Variants in SH3GL2 observed in about 807,000 individuals in gnomAD.
SH3GL2 encodes endophilin-A1.
SH3GL2 carries 24 observed loss-of-function variants against 46.0 expected under a neutral mutation model. That is an observed-to-expected ratio of 0.52 (90% confidence interval 0.38 to 0.73). The LOEUF (loss-of-function observed/expected upper bound fraction) is 0.73, where lower values mean the gene tolerates loss of function less well. Ranked by LOEUF, SH3GL2 falls within the 30% of genes least tolerant of loss-of-function variation. The pLI is 0.00. For synonymous variants in SH3GL2, 196 were observed against 147.1 expected (o/e 1.33, Z -2.40); for missense variants, 413 against 424.2 (o/e 0.97, Z 0.23).
At chr9:17,658,131 C>G (rs1820133290) in intron 1 of SH3GL2, among the ~76,000 whole-genome samples, 1 of 152,196 alleles carries the variant, frequency 6.6e-6, no homozygotes, top group Non-Finnish European at 1.5e-5. Context: ...ATAATATACT[C>G]TTCTTTAGTT....
intron 1 of SH3GL2, chr9:17,589,450 T>A (rs10963153): frequency 6.7e-6 from 1 of 150,076 alleles, no homozygotes; most frequent in Admixed American, 6.6e-5. Context: ...TCCTGATCAG[T>A]TTTTTTTTTA....
intron 2 of SH3GL2, among the ~76,000 whole-genome samples, chr9:17,749,232 A>T (rs911488377): frequency 3.9e-5 from 6 of 152,192 alleles, no homozygotes; most frequent in African/African-American, 1.2e-4. Context: ...AGCCACTAAT[A>T]TCCATAGTTC....
chr9:17,726,897 A>T (rs1199568578), intron 1 of SH3GL2, among the ~76,000 whole-genome samples: 1 of 152,196 alleles, frequency 6.6e-6, no homozygotes, highest in African/African-American at 2.4e-5. Context: ...ATGCAGCAGT[A>T]ACAAAATAGG....
intron 1 of SH3GL2, among the ~76,000 whole-genome samples, chr9:17,675,881 G>A (rs1363264864): frequency 1.3e-5 from 2 of 152,170 alleles, no homozygotes; most frequent in African/African-American, 2.4e-5. Context: ...GGAGGTGGAG[G>A]TTGCAGTGAG....
At chr9:17,601,164 GCCTGA>G (rs1818663781) in intron 1 of SH3GL2, among the ~76,000 whole-genome samples, 1 of 152,108 alleles carries the variant, frequency 6.6e-6, no homozygotes, top group African/African-American at 2.4e-5. Flanking sequence ...TGGTGGCTGT[GCCTGA>G]CCTGCACATG....
chr9:17,625,390 C>T (rs1819258704), intron 1 of SH3GL2, among the ~76,000 whole-genome samples: 1 of 152,130 alleles, frequency 6.6e-6, no homozygotes, highest in Admixed American at 6.5e-5. Flanking sequence ...TTTTACAGTC[C>T]ACCTCCTTTC....
intron 1 of SH3GL2, among the ~76,000 whole-genome samples, chr9:17,626,031 C>G (rs1281376748): frequency 2.0e-5 from 3 of 152,204 alleles, no homozygotes; most frequent in African/African-American, 7.2e-5. Flanking sequence ...CCCATCTCAT[C>G]TTCCCTACCT....
At chr9:17,601,930 G>A (rs1361862938) in intron 1 of SH3GL2, among the ~76,000 whole-genome samples, 1 of 152,098 alleles carries the variant, frequency 6.6e-6, no homozygotes, top group Non-Finnish European at 1.5e-5. Flanking sequence ...GTCAAGCTTG[G>A]GAGTCATGGA....
intron 3 of SH3GL2, among the ~76,000 whole-genome samples, chr9:17,763,163 A>G (rs1349217945): frequency 6.6e-6 from 1 of 152,230 alleles, no homozygotes; most frequent in Non-Finnish European, 1.5e-5. Flanking sequence ...AAGAATTTCT[A>G]GTATGAAAAT....
At chr9:17,789,831 C>T in intron 6 of SH3GL2, 1 of 899,890 alleles carries the variant, frequency 1.1e-6, no homozygotes, top group Non-Finnish European at 1.3e-6. Flanking sequence ...TTGAATATAT[C>T]ATGTAATTTA....
At chr9:17,589,119 C>G (rs1818432430) in intron 1 of SH3GL2, 1 of 152,134 alleles carries the variant, frequency 6.6e-6, no homozygotes, top group African/African-American at 2.4e-5. Flanking sequence ...TACATATGCA[C>G]ATATGAATTT....
At chr9:17,667,840 A>G (rs1200875600) in intron 1 of SH3GL2, among the ~76,000 whole-genome samples, 2 of 152,146 alleles carry the variant, frequency 1.3e-5, no homozygotes, top group African/African-American at 4.8e-5. Context: ...TTTTGACTAT[A>G]ACCATCTTAT....
intron 1 of SH3GL2, among the ~76,000 whole-genome samples, chr9:17,612,258 G>C (rs1331758730): frequency 6.6e-6 from 1 of 152,164 alleles, no homozygotes; most frequent in African/African-American, 2.4e-5. Flanking sequence ...GTGTGCCTGA[G>C]TGTGGCTTGT....
intron 1 of SH3GL2, among the ~76,000 whole-genome samples, chr9:17,626,831 G>C (rs142538051): frequency 4.3e-4 from 66 of 152,224 alleles, no homozygotes; most frequent in African/African-American, 1.4e-3. Context: ...GTCTCTCATA[G>C]ATATCTGAGC....
chr9:17,627,732 C>T (rs1251642509), intron 1 of SH3GL2, among the ~76,000 whole-genome samples: 1 of 152,134 alleles, frequency 6.6e-6, no homozygotes, highest in African/African-American at 2.4e-5. Context: ...ACTGTGTAGA[C>T]AAAGGATAAA....
At chr9:17,630,314 T>C (rs762477434) in intron 1 of SH3GL2, 13 of 152,362 alleles carry the variant, frequency 8.5e-5, no homozygotes, top group Non-Finnish European at 1.5e-4. Flanking sequence ...TAATTTTTCA[T>C]TCACAAATTG....
At chr9:17,608,356 C>T (rs1183198045) in intron 1 of SH3GL2, among the ~76,000 whole-genome samples, 2 of 151,932 alleles carry the variant, frequency 1.3e-5, no homozygotes, top group South Asian at 2.1e-4. Context: ...CCGTGTTAGC[C>T]GGGATGGTCT....
chr9:17,757,896 A>G (rs1317132230), intron 2 of SH3GL2, among the ~76,000 whole-genome samples: 2 of 152,198 alleles, frequency 1.3e-5, no homozygotes, highest in East Asian at 3.8e-4. Flanking sequence ...AACAAGGCAC[A>G]TTCAGGGGTC....
intron 1 of SH3GL2, among the ~76,000 whole-genome samples, chr9:17,705,899 C>G (rs886928515): frequency 1.3e-5 from 2 of 152,000 alleles, no homozygotes; most frequent in Non-Finnish European, 1.5e-5. Context: ...TCATGACATG[C>G]AATTTACCCA....
Sources: allele counts gnomAD v4.1 joint callset (sites outside exome capture counted in the v4.1 genomes callset), GRCh38; gene constraint gnomAD v4.1.1; transcripts MANE v1.5; gene names NCBI Gene and HGNC (gene_info 2026-07-23, HGNC 2026-07-21).